WWOX: variants seen among roughly 807,000 people sequenced by gnomAD.
WWOX encodes the protein WW domain-containing oxidoreductase.
WWOX carries 69 observed loss-of-function variants against 46.2 expected under a neutral mutation model. The observed-to-expected ratio is 1.49, with a 90% CI of 1.23 to 1.82. The LOEUF is 1.82. WWOX is among the 40% of genes most tolerant of loss of function. WWOX has a pLI of 0.00. For synonymous variants in WWOX, 359 were observed against 202.6 expected, an observed-to-expected ratio of 1.77 and a Z score of -6.56; for missense variants, 919 against 542.6, an observed-to-expected ratio of 1.69 and a Z score of -6.89.
intron 8 of WWOX, among the ~76,000 whole-genome samples, chr16:78,906,814 C>T (rs1302916089): frequency 6.6e-6 from 1 of 152,198 alleles, no homozygotes; most frequent in African/African-American, 2.4e-5. Flanking sequence ...GTGTTTTATT[C>T]ATTTGCTCTA....
chr16:79,092,042 A>T (rs913183679), intron 8 of WWOX, among the ~76,000 whole-genome samples: 9 of 151,884 alleles, frequency 5.9e-5, no homozygotes, highest in Non-Finnish European at 1.3e-4. Context: ...CGGCCTCCCA[A>T]AGTGCTGGGA....
intron 8 of WWOX, among the ~76,000 whole-genome samples, chr16:78,857,811 A>G (rs1489056414): frequency 6.6e-6 from 1 of 152,202 alleles, no homozygotes; most frequent in East Asian, 1.9e-4. Context: ...TTATAGGAGC[A>G]TAAATTGTTT....
At chr16:78,267,397 TCATTTTCTG>T (rs1173999786) in intron 5 of WWOX, among the ~76,000 whole-genome samples, 1 of 152,262 alleles carries the variant, frequency 6.6e-6, no homozygotes, top group Non-Finnish European at 1.5e-5. Flanking sequence ...ACTTTTCGCT[TCATTTTCTG>T]CATTTGCACA....
chr16:78,362,064 T>A (rs114552549), intron 5 of WWOX, among the ~76,000 whole-genome samples: 1 of 151,948 alleles, frequency 6.6e-6, no homozygotes, highest in Non-Finnish European at 1.5e-5. Context: ...GGACGCTATT[T>A]TAATGGGGTG....
chr16:78,444,295 C>T (rs1180810181), intron 8 of WWOX, among the ~76,000 whole-genome samples: 2 of 152,094 alleles, frequency 1.3e-5, no homozygotes, highest in Admixed American at 6.6e-5. Flanking sequence ...CTTATCCTCT[C>T]TGGTCCTCAG....
intron 8 of WWOX, among the ~76,000 whole-genome samples, chr16:78,942,021 C>G (rs78607284): frequency 0.014 from 2,100 of 152,234 alleles, 30 homozygotes; most frequent in Non-Finnish European, 0.021. Context: ...GCGAGCATTT[C>G]TTTCCCACTC....
chr16:78,416,002 A>T (rs1472479672), intron 6 of WWOX, among the ~76,000 whole-genome samples: 2 of 152,204 alleles, frequency 1.3e-5, no homozygotes, highest in African/African-American at 4.8e-5. Context: ...GATGAGAGCC[A>T]TGTAGAACCT....
intron 5 of WWOX, among the ~76,000 whole-genome samples, chr16:78,261,784 C>G (rs60516753): frequency 2.0e-5 from 1 of 50,898 alleles, no homozygotes; most frequent in Non-Finnish European, 3.5e-5. Flanking sequence ...ATCTATCTAT[C>G]TATCTATATA....
intron 8 of WWOX, among the ~76,000 whole-genome samples, chr16:79,080,580 G>A (rs1295850132): frequency 6.6e-6 from 1 of 152,128 alleles, no homozygotes; most frequent in Non-Finnish European, 1.5e-5. Context: ...ACTGAATCTC[G>A]AATCCAAATT....
At chr16:78,815,876 G>A (rs953799256) in intron 8 of WWOX, among the ~76,000 whole-genome samples, 1 of 152,096 alleles carries the variant, frequency 6.6e-6, no homozygotes, top group East Asian at 1.9e-4. Flanking sequence ...AAACTTGAGA[G>A]TGACTTCCAA....
At chr16:78,665,304 A>G (rs1007739720) in intron 8 of WWOX, among the ~76,000 whole-genome samples, 14 of 152,194 alleles carry the variant, frequency 9.2e-5, no homozygotes, top group Admixed American at 8.5e-4. Context: ...TCAGTTATGC[A>G]TGACACTGCC....
intron 5 of WWOX, among the ~76,000 whole-genome samples, chr16:78,240,678 C>T (rs1010737058): frequency 8.5e-5 from 13 of 152,070 alleles, no homozygotes; most frequent in African/African-American, 1.9e-4. Flanking sequence ...CTCCTGTGTT[C>T]GCAACTGTCA....
intron 6 of WWOX, among the ~76,000 whole-genome samples, chr16:78,389,807 G>C (rs951318985): frequency 9.2e-5 from 14 of 152,136 alleles, no homozygotes; most frequent in Non-Finnish European, 1.5e-4. Flanking sequence ...CTGAAGTGCA[G>C]TGGTGCAATC....
chr16:78,762,982 G>A (rs184891681), intron 8 of WWOX, among the ~76,000 whole-genome samples: 1 of 152,276 alleles, frequency 6.6e-6, no homozygotes, highest in Admixed American at 6.5e-5. Context: ...TCCTGGTGGG[G>A]GGACCAGATG....
chr16:78,909,660 C>G (rs1261684440), intron 8 of WWOX, among the ~76,000 whole-genome samples: 1 of 152,202 alleles, frequency 6.6e-6, no homozygotes, highest in Non-Finnish European at 1.5e-5. Flanking sequence ...TCCCTGACCT[C>G]TGTGTCCATC....
chr16:78,258,006 G>A (rs947396539), intron 5 of WWOX, among the ~76,000 whole-genome samples: 1 of 152,144 alleles, frequency 6.6e-6, no homozygotes, highest in Admixed American at 6.5e-5. Flanking sequence ...ATATTTAAAT[G>A]CAGCTCATAC....
At chr16:79,023,079 T>A (rs2047567001) in intron 8 of WWOX, among the ~76,000 whole-genome samples, 1 of 151,930 alleles carries the variant, frequency 6.6e-6, no homozygotes, top group Non-Finnish European at 1.5e-5. Flanking sequence ...ATAACCACAA[T>A]ATAGCAACAG....
chr16:79,014,046 A>G (rs561168705), intron 8 of WWOX, among the ~76,000 whole-genome samples: 15 of 152,316 alleles, frequency 9.8e-5, no homozygotes, highest in African/African-American at 3.6e-4. Flanking sequence ...GAGACTGTCA[A>G]TTCCTGAGAG....
chr16:79,067,228 C>G (rs1053828761), intron 8 of WWOX, among the ~76,000 whole-genome samples: 1 of 152,092 alleles, frequency 6.6e-6, no homozygotes, highest in African/African-American at 2.4e-5. Flanking sequence ...TATTCACTAT[C>G]GAGAACGATT....
Sources: gnomAD v4.1 joint callset for allele counts (sites outside exome capture counted in the v4.1 genomes callset) on GRCh38, gnomAD v4.1.1 for gene constraint, MANE v1.5 for transcripts, NCBI Gene and HGNC (gene_info 2026-07-23, HGNC 2026-07-21) for gene names.